Variants in SLC23A2 observed in about 807,000 individuals in gnomAD.
The protein encoded by SLC23A2 is solute carrier family 23 member 2, also known as Na(+)/L-ascorbic acid transporter 2.
In SLC23A2, 36 loss-of-function variants were observed where a neutral mutation model predicts 73.3. The ratio of observed to expected loss-of-function variants is 0.49; its 90% CI spans 0.38 to 0.65. The LOEUF is 0.65. Among genes scored for constraint, SLC23A2 ranks in the 30% least tolerant of loss-of-function variants. SLC23A2 has a pLI of 0.00. For synonymous variants in SLC23A2, 343 were observed against 327.3 expected, an observed-to-expected ratio of 1.05 and a Z score of -0.52; for missense variants, 507 against 841.6, an observed-to-expected ratio of 0.60 and a Z score of 4.92.
chr20:4,888,767 T>C (rs1931202174), intron 6 of SLC23A2, among the ~76,000 whole-genome samples: 1 of 152,240 alleles, frequency 6.6e-6, no homozygotes, highest in African/African-American at 2.4e-5. Context: ...CCTTTGAATC[T>C]GTAATGTGTT....
chr20:5,009,248 T>A (rs770248846), intron 1 of SLC23A2, among the ~76,000 whole-genome samples: 8 of 152,140 alleles, frequency 5.3e-5, no homozygotes, highest in Non-Finnish European at 1.2e-4. Flanking sequence ...TCCTGCTCCC[T>A]TCAAAAAAGG....
chr20:4,871,853 A>T (rs1267751588), intron 11 of SLC23A2, among the ~76,000 whole-genome samples: 1 of 152,144 alleles, frequency 6.6e-6, no homozygotes, highest in Non-Finnish European at 1.5e-5. Flanking sequence ...TTTCTCAATT[A>T]TCTTTTATAC....
In SLC23A2 at chr20:4,853,470, G is replaced by C. The variant is rs941026347; in HGVS notation, c.*3502C>G. ...TGAAAGAAATAACAACTTAGCTCAT[G>C]GTCATAAAATATACGTATGGGTAAA... On this transcript the variant is annotated 3_prime_UTR_variant, in exon 17 of 17. Transcript: ENST00000338244. 6 of 152,578 alleles carry C rather than the reference G, an allele frequency of 3.9e-5. No homozygotes were observed. The highest frequency in any genetic ancestry group is 7.4e-5 in the Non-Finnish European group (5 of 68,020). The allele number at this position is 152,578 out of a possible 1,614,324, so 9.5% of individuals were successfully genotyped here.
intron 1 of SLC23A2, among the ~76,000 whole-genome samples, chr20:4,996,796 G>A (rs2088030552): frequency 6.6e-6 from 1 of 151,138 alleles, no homozygotes; most frequent in African/African-American, 2.4e-5. Context: ...GAGGGCCTTA[G>A]AGACACCTAG....
chr20:4,937,907 C>T (rs1462983164), intron 2 of SLC23A2, among the ~76,000 whole-genome samples: 1 of 152,130 alleles, frequency 6.6e-6, no homozygotes, highest in East Asian at 1.9e-4. Flanking sequence ...TACCCACCCT[C>T]CTTGGACTAG....
intron 6 of SLC23A2, among the ~76,000 whole-genome samples, chr20:4,898,456 C>G (rs1050909671): frequency 6.6e-6 from 1 of 152,238 alleles, no homozygotes; most frequent in African/African-American, 2.4e-5. Context: ...CAGTCCCTGA[C>G]TTCAGCTCAC....
chr20:4,942,063 A>C (rs747425825), intron 2 of SLC23A2, among the ~76,000 whole-genome samples: 7 of 152,300 alleles, frequency 4.6e-5, no homozygotes, highest in Non-Finnish European at 8.8e-5. Flanking sequence ...CATGGTGTCC[A>C]CATTAGCACC....
chr20:4,954,026 G>C (rs1218563334), intron 2 of SLC23A2, among the ~76,000 whole-genome samples: 2 of 152,110 alleles, frequency 1.3e-5, no homozygotes, highest in African/African-American at 4.8e-5. Flanking sequence ...TTAAGCAGGA[G>C]AAAGGATGTC....
intron 9 of SLC23A2, among the ~76,000 whole-genome samples, chr20:4,878,507 T>C (rs1930745263): frequency 6.6e-6 from 1 of 152,226 alleles, no homozygotes. Flanking sequence ...CAGTGGTTTC[T>C]GACGTTTTAA....
chr20:4,886,208 G>A (rs564429974), intron 6 of SLC23A2, among the ~76,000 whole-genome samples: 197 of 152,304 alleles, frequency 1.3e-3, no homozygotes, highest in African/African-American at 4.4e-3. Flanking sequence ...TCTTGCAGGC[G>A]GGAGACTGCG....
chr20:4,969,367 G>A (rs1568648132), intron 2 of SLC23A2, among the ~76,000 whole-genome samples: 1 of 152,096 alleles, frequency 6.6e-6, no homozygotes, highest in Non-Finnish European at 1.5e-5. Context: ...GGGATTCCAG[G>A]CATGAGCCAC....
intron 1 of SLC23A2, among the ~76,000 whole-genome samples, chr20:4,974,467 C>CA (rs1312471825): frequency 6.7e-6 from 1 of 150,140 alleles, no homozygotes; most frequent in African/African-American, 2.5e-5. Context: ...AACTCCGTCT[C>CA]AAAAAATAAA....
chr20:4,913,623 GT>G (rs1932232059), intron 3 of SLC23A2, among the ~76,000 whole-genome samples: 1 of 151,942 alleles, frequency 6.6e-6, no homozygotes, highest in South Asian at 2.1e-4. Context: ...TGTTGTTGTT[GT>G]TGTTGTTTCG....
intron 3 of SLC23A2, among the ~76,000 whole-genome samples, chr20:4,929,728 A>G (rs1320755032): frequency 2.0e-5 from 3 of 152,242 alleles, no homozygotes; most frequent in African/African-American, 7.2e-5. Flanking sequence ...TAATTATTGC[A>G]ATAAGAATTC....
At chr20:4,991,806 A>G (rs1423576827) in intron 1 of SLC23A2, among the ~76,000 whole-genome samples, 2 of 152,006 alleles carry the variant, frequency 1.3e-5, no homozygotes, top group African/African-American at 4.8e-5. Flanking sequence ...ATCTAGAGAC[A>G]CTGACTTTTT....
upstream of SLC23A2, among the ~76,000 whole-genome samples, chr20:5,002,126 C>G (rs2254964): frequency 0.2 from 30,929 of 152,028 alleles, 3,594 homozygotes; most frequent in African/African-American, 0.33. Context: ...CTAAATTGTC[C>G]CCAGGTGATG....
In SLC23A2 at chr20:4,856,410, G is replaced by T. The variant is rs1929713524; in HGVS notation, c.*562C>A. ...CACCCATGGCCAGATCTGGGCACAG[G>T]GGAGCCACGCCACTGTTTTCAGGTC... On this transcript the variant is annotated 3_prime_UTR_variant, in exon 17 of 17. Coordinates refer to ENST00000338244, the MANE Select transcript of SLC23A2 (RefSeq NM_005116.6). The surrounding 1 kb of genome is among the most constrained non-coding windows in gnomAD (Gnocchi z 4.6). 6.5e-6 allele frequency: 1 copy of T among 153,224 alleles called. No homozygotes were observed. The highest frequency in any genetic ancestry group is 1.5e-5 in the Non-Finnish European group (1 of 68,860). The allele number at this position is 153,224 out of a possible 1,614,324, so 9.5% of individuals were successfully genotyped here.
At chr20:4,887,935 T>C (rs1712256229) in intron 6 of SLC23A2, among the ~76,000 whole-genome samples, 1 of 152,196 alleles carries the variant, frequency 6.6e-6, no homozygotes, top group Admixed American at 6.5e-5. Context: ...CAAAGCCAAT[T>C]TTCCAAGAAA....
intron 6 of SLC23A2, among the ~76,000 whole-genome samples, chr20:4,887,046 C>T (rs185819435): frequency 6.6e-6 from 1 of 152,338 alleles, no homozygotes; most frequent in East Asian, 1.9e-4. Flanking sequence ...GTTACAGATG[C>T]TCTCCTGGCT....
Sources: gnomAD v4.1 joint callset for allele counts (sites outside exome capture counted in the v4.1 genomes callset) on GRCh38, gnomAD v4.1.1 for gene constraint, Gnocchi (gnomAD v3.1) non-coding constraint, MANE v1.5 for transcripts, NCBI Gene and HGNC (gene_info 2026-07-23, HGNC 2026-07-21) for gene names.